Variants in GNG7 observed in about 807,000 individuals in gnomAD.
GNG7 encodes the protein G protein subunit gamma 7, also known as guanine nucleotide-binding protein G(I)/G(S)/G(O) subunit gamma-7.
A neutral mutation model predicts 4.0 loss-of-function variants in GNG7; 1 was observed. That is an observed-to-expected ratio of 0.25 (90% confidence interval 0.09 to 1.18). The LOEUF (loss-of-function observed/expected upper bound fraction) is 1.18, where lower values mean the gene tolerates loss of function less well. Ranked by LOEUF, GNG7 falls within the 50% of genes most tolerant of loss-of-function variation. The probability of loss-of-function intolerance (pLI) is 0.50; values close to 1 mark genes in which losing one functional copy is unlikely to be tolerated. For synonymous variants in GNG7, 34 were observed against 36.9 expected (o/e 0.92, Z 0.29); for missense variants, 86 against 91.9 (o/e 0.94, Z 0.26).
chr19:2,655,397 C>T (rs1265319900), intron 1 of GNG7, among the ~76,000 whole-genome samples: 2 of 151,908 alleles, frequency 1.3e-5, no homozygotes, highest in Non-Finnish European at 2.9e-5. Context: ...GGCTATGATC[C>T]AAAAGATAAA....
chr19:2,575,695 A>ACACACGCAGACAGGCAGG, intron 2 of GNG7, among the ~76,000 whole-genome samples: 1 of 126,510 alleles, frequency 7.9e-6, no homozygotes, highest in African/African-American at 3.2e-5. Flanking sequence ...GCACACGCAG[A>ACACACGCAGACAGGCAGG]CACACGCAGA....
intron 3 of GNG7, among the ~76,000 whole-genome samples, chr19:2,522,722 A>C (rs1370247006): frequency 8.8e-6 from 1 of 113,180 alleles, no homozygotes; most frequent in Non-Finnish European, 1.7e-5. Flanking sequence ...ACTGCACTCC[A>C]GCCTGGGGGA....
Position 2,512,097 on chromosome 19 carries a change from G to A in GNG7, c.*2925C>T, listed in dbSNP as rs2144718795. The A allele has an allele frequency of 2.0e-6, 2 of 985,900 alleles. No homozygotes were observed. Among genetic ancestry groups the A allele is most frequent in the Non-Finnish European group, 2.4e-6 (2 of 829,952 alleles). 61.1% of individuals were successfully genotyped at this position (985,900 alleles called of 1,614,324 possible). On this transcript the variant is annotated 3_prime_UTR_variant, in exon 5 of 5. Transcript: ENST00000382159. This position sits in a 1 kb window ranked among gnomAD's most constrained non-coding sequence, Gnocchi z 4.7. Reference sequence around the variant, plus strand: ...CTGCCTTGTGTGTGTGCGTGGGTGGGGGTGAGTGTCCTTAACTCTCTTTTC... The same window carrying A: ...CTGCCTTGTGTGTGTGCGTGGGTGGAGGTGAGTGTCCTTAACTCTCTTTTC...
chr19:2,536,678 G>A (rs905636497), intron 3 of GNG7, among the ~76,000 whole-genome samples: 25 of 152,124 alleles, frequency 1.6e-4, no homozygotes, highest in African/African-American at 6.0e-4. Context: ...GGACTTTCTT[G>A]GGCCGGAGAC....
chr19:2,569,106 T>C (rs1313359860), intron 2 of GNG7, among the ~76,000 whole-genome samples: 2 of 151,394 alleles, frequency 1.3e-5, no homozygotes, highest in Admixed American at 6.6e-5. Flanking sequence ...TACACACAAA[T>C]GCACACATGC....
At chr19:2,577,886 C>G (rs995808912) in intron 2 of GNG7, among the ~76,000 whole-genome samples, 16 of 148,534 alleles carry the variant, frequency 1.1e-4, no homozygotes, top group African/African-American at 4.0e-4. Context: ...GTCACCCAGG[C>G]TGGAATGCAA....
At chr19:2,696,428 A>T (rs893829937) in intron 1 of GNG7, among the ~76,000 whole-genome samples, 1 of 151,376 alleles carries the variant, frequency 6.6e-6, no homozygotes, top group Non-Finnish European at 1.5e-5. Flanking sequence ...AAGGAAGGAA[A>T]GAAAGAAAGA....
intron 3 of GNG7, among the ~76,000 whole-genome samples, chr19:2,536,485 A>G (rs185665416): frequency 2.0e-3 from 307 of 152,284 alleles, no homozygotes; most frequent in African/African-American, 6.8e-3. Flanking sequence ...CTGAAGCCAC[A>G]TGTTTTCTTC....
At chr19:2,684,850 G>A (rs996973607) in intron 1 of GNG7, among the ~76,000 whole-genome samples, 1 of 150,366 alleles carries the variant, frequency 6.7e-6, no homozygotes, top group Non-Finnish European at 1.5e-5. Flanking sequence ...TTGGACGGGC[G>A]CAGTGGCTCA....
chr19:2,541,873 C>T (rs1978973497), intron 3 of GNG7, among the ~76,000 whole-genome samples: 1 of 151,974 alleles, frequency 6.6e-6, no homozygotes, highest in South Asian at 2.1e-4. Context: ...TAGGGTTTCA[C>T]CATTGCACTC....
At chr19:2,581,920 G>C (rs1333673510) in intron 2 of GNG7, among the ~76,000 whole-genome samples, 1 of 152,172 alleles carries the variant, frequency 6.6e-6, no homozygotes, top group African/African-American at 2.4e-5. Flanking sequence ...CATGCAGCCT[G>C]TGCCCTATAA....
At chr19:2,535,415 G>T (rs182117106) in intron 3 of GNG7, among the ~76,000 whole-genome samples, 2 of 151,490 alleles carry the variant, frequency 1.3e-5, no homozygotes, top group Non-Finnish European at 2.9e-5. Flanking sequence ...TGGGAGAATC[G>T]CTTGAGCCCA....
intron 1 of GNG7, among the ~76,000 whole-genome samples, chr19:2,657,352 AAAAAAAAAAATATATATATATATAT>A (rs1339251339): frequency 8.6e-5 from 2 of 23,330 alleles, no homozygotes; most frequent in African/African-American, 9.9e-5. Context: ...AAAAAAAAAA[AAAAAAAAAAATATATATATATATAT>A]ATATATATAT....
At chr19:2,663,167 T>C (rs982656459) in intron 1 of GNG7, among the ~76,000 whole-genome samples, 11 of 152,308 alleles carry the variant, frequency 7.2e-5, no homozygotes, top group Middle Eastern at 3.4e-3. Context: ...ACATGACTCC[T>C]CCAAGCAGAT....
intron 1 of GNG7, chr19:2,683,453 TCC>T: frequency 6.6e-6 from 1 of 152,314 alleles, no homozygotes; most frequent in East Asian, 1.9e-4. Flanking sequence ...CTAGATACTC[TCC>T]ACGCCTTCTG....
At chr19:2,523,987 C>G (rs989826556) in intron 3 of GNG7, among the ~76,000 whole-genome samples, 5 of 152,222 alleles carry the variant, frequency 3.3e-5, no homozygotes, top group Non-Finnish European at 5.9e-5. Flanking sequence ...AGCTTCAAAG[C>G]AGCCACAAAA....
chr19:2,589,423 T>C (rs1253418825), intron 2 of GNG7, among the ~76,000 whole-genome samples: 1 of 147,384 alleles, frequency 6.8e-6, no homozygotes, highest in Non-Finnish European at 1.5e-5. Flanking sequence ...TTTTGCCATG[T>C]TGAACAGGCT....
chr19:2,690,386 A>C (rs1425746789), intron 1 of GNG7, among the ~76,000 whole-genome samples: 3 of 152,142 alleles, frequency 2.0e-5, no homozygotes, highest in African/African-American at 7.2e-5. Flanking sequence ...GTCTCAAAAA[A>C]TAAAATAAAA....
intron 1 of GNG7, among the ~76,000 whole-genome samples, chr19:2,681,375 G>A (rs907339572): frequency 1.3e-5 from 2 of 151,984 alleles, no homozygotes; most frequent in African/African-American, 4.8e-5. Context: ...AGTAGAGATG[G>A]GGTTTCACCA....
Sources: allele counts gnomAD v4.1 joint callset (sites outside exome capture counted in the v4.1 genomes callset), GRCh38; gene constraint gnomAD v4.1.1; non-coding constraint Gnocchi (gnomAD v3.1); transcripts MANE v1.5; gene names NCBI Gene and HGNC (gene_info 2026-07-23, HGNC 2026-07-21).